Variants in DENND5A observed in about 807,000 individuals in gnomAD.
DENND5A encodes the protein DENN domain-containing protein 5A.
In DENND5A, 64 loss-of-function variants were observed where a neutral mutation model predicts 140.3. That is an observed-to-expected ratio of 0.46 (90% CI 0.37 to 0.56). The LOEUF is 0.56. DENND5A is among the 20% of genes least tolerant of loss of function. The pLI, the probability that DENND5A is intolerant of heterozygous loss-of-function variation, is 0.00. For synonymous variants in DENND5A, 605 were observed against 607.7 expected, an observed-to-expected ratio of 1.00 and a Z score of 0.07; for missense variants, 1,292 against 1,593.8, an observed-to-expected ratio of 0.81 and a Z score of 3.22.
At chr11:9,252,611 A>G (rs1470821930) in intron 1 of DENND5A, among the ~76,000 whole-genome samples, 1 of 152,020 alleles carries the variant, frequency 6.6e-6, no homozygotes, top group Non-Finnish European at 1.5e-5. Context: ...GCACCATTAT[A>G]TTCCAGCCTG....
At chr11:9,160,599 G>T in intron 12 of DENND5A, 114 bp downstream of exon 12, 2 of 799,502 alleles carry the variant, frequency 2.5e-6, no homozygotes, top group Non-Finnish European at 3.9e-6. Context: ...TCACTCCAGG[G>T]CACTGTGCAC....
chr11:9,213,435 C>A (rs1476282571), intron 1 of DENND5A, among the ~76,000 whole-genome samples: 1 of 150,324 alleles, frequency 6.7e-6, no homozygotes, highest in South Asian at 2.1e-4. Flanking sequence ...AAAAAAAAAA[C>A]ACCTTTTTTT....
intron 21 of DENND5A, 96 bp from the exon 22 acceptor site, chr11:9,142,204 C>A: frequency 1.0e-6 from 1 of 981,560 alleles, no homozygotes; most frequent in Non-Finnish European, 1.5e-6. Flanking sequence ...CAAGTCCACA[C>A]AGGTAACTTA....
At chr11:9,263,272 C>G (rs1852287851) in intron 1 of DENND5A, among the ~76,000 whole-genome samples, 1 of 151,498 alleles carries the variant, frequency 6.6e-6, no homozygotes, top group Non-Finnish European at 1.5e-5. Flanking sequence ...GCGCAATCAC[C>G]CAGACTGGCG....
At chr11:9,175,139 T>C (rs187920526) in intron 8 of DENND5A, 25 of 152,264 alleles carry the variant, frequency 1.6e-4, no homozygotes, top group Non-Finnish European at 3.2e-4. Context: ...CAGGACACAA[T>C]ATAAACATAC....
At chr11:9,224,589 G>A (rs185225591) in intron 1 of DENND5A, among the ~76,000 whole-genome samples, 4 of 152,166 alleles carry the variant, frequency 2.6e-5, no homozygotes, top group South Asian at 4.2e-4. Context: ...TGCCCAGTGC[G>A]GTGGCTCACA....
At chr11:9,263,928 C>G (rs1316245525) in intron 1 of DENND5A, among the ~76,000 whole-genome samples, 1 of 150,902 alleles carries the variant, frequency 6.6e-6, no homozygotes, top group Admixed American at 6.6e-5. Flanking sequence ...ATCGTTGAAG[C>G]CGAGTAAGAT....
intron 6 of DENND5A, among the ~76,000 whole-genome samples, chr11:9,180,157 T>C (rs1848679950): frequency 6.6e-6 from 1 of 152,014 alleles, no homozygotes; most frequent in Non-Finnish European, 1.5e-5. Flanking sequence ...GGGCAATGGA[T>C]CTAAAAGAGA....
chr11:9,239,921 T>C (rs1254761055), intron 1 of DENND5A, among the ~76,000 whole-genome samples: 2 of 152,228 alleles, frequency 1.3e-5, no homozygotes, highest in Non-Finnish European at 2.9e-5. Flanking sequence ...GTCCCTCGGG[T>C]ATTTTTCCAC....
At chr11:9,247,727 G>GT (rs369983141) in intron 1 of DENND5A, among the ~76,000 whole-genome samples, 14 of 152,218 alleles carry the variant, frequency 9.2e-5, no homozygotes, top group African/African-American at 3.4e-4. Flanking sequence ...GTAACCAAGA[G>GT]TATAGATGGT....
Position 9,139,584 on chromosome 11 carries a change from G to A in DENND5A, c.*87C>T, listed in dbSNP as rs1436782228. The A allele has an allele frequency of 1.6e-6, 2 of 1,286,064 alleles. No individual in the cohort carries two copies. Among genetic ancestry groups the A allele is most frequent in the African/African-American group, 1.5e-5 (1 of 67,758 alleles). 79.7% of individuals were successfully genotyped at this position (1,286,064 alleles called of 1,614,324 possible). On this transcript the variant is annotated 3_prime_UTR_variant, in exon 23 of 23. Transcript: ENST00000328194. ...AGTGTACATTTTGTCTCCTACTCCT[G>A]CACAATCGCTTAAGTCCCTTTGGGA...
chr11:9,227,795 A>T (rs1033507465), intron 1 of DENND5A, among the ~76,000 whole-genome samples: 4 of 151,798 alleles, frequency 2.6e-5, no homozygotes, highest in Non-Finnish European at 4.4e-5. Context: ...TCTCTACAAA[A>T]ATAAAAAATT....
At chr11:9,152,260 C>T in intron 13 of DENND5A, 98 bp downstream of exon 13, 3 of 922,598 alleles carry the variant, frequency 3.3e-6, no homozygotes, top group Non-Finnish European at 3.6e-6. Flanking sequence ...AGAGCAAAAG[C>T]TTCTTCGACC....
chr11:9,177,639 G>C (rs1489223258), intron 8 of DENND5A, among the ~76,000 whole-genome samples: 1 of 151,418 alleles, frequency 6.6e-6, no homozygotes, highest in African/African-American at 2.4e-5. Flanking sequence ...CTGGGTGACA[G>C]AGAGAGACCC....
At chr11:9,232,026 G>GA (rs201206390) in intron 1 of DENND5A, among the ~76,000 whole-genome samples, 1 of 146,930 alleles carries the variant, frequency 6.8e-6, no homozygotes, top group Non-Finnish European at 1.5e-5. Context: ...AAACGGCCAA[G>GA]AAAAAAAAAT....
chr11:9,214,032 G>A (rs1477828136), intron 1 of DENND5A, among the ~76,000 whole-genome samples: 1 of 152,002 alleles, frequency 6.6e-6, no homozygotes, highest in Non-Finnish European at 1.5e-5. Flanking sequence ...TGGCATTCTG[G>A]GATATACTAA....
chr11:9,229,522 G>GATAATAGAAAA (rs1288791622), intron 1 of DENND5A, among the ~76,000 whole-genome samples: 13 of 151,990 alleles, frequency 8.6e-5, no homozygotes, highest in African/African-American at 3.1e-4. Context: ...CTTTCCCCAA[G>GATAATAGAAAA]GCGGGTCACA....
In DENND5A at chr11:9,203,934, T is replaced by C. The variant is rs964003655; in HGVS notation, c.675A>G (p.Gln225=). Residue 225 remains glutamine, a synonymous_variant, in exon 4 of 23, where the codon CAA becomes CAG. Transcript: ENST00000328194. ...GAGGTGAAGTGACTGCCTGGTGGAG[T>C]TGCTCCAGCACGCTCCGACATGCCT... ...FMKACRSVLE[Q]LHQAVTSPQP... 5.6e-6 allele frequency: 9 copies of C among 1,613,526 alleles called. No individual in the cohort carries two copies. The highest frequency in any genetic ancestry group is 5.3e-5 in the African/African-American group (4 of 74,834).
chr11:9,197,276 AC>A (rs1472283249), intron 4 of DENND5A, among the ~76,000 whole-genome samples: 2 of 148,340 alleles, frequency 1.3e-5, no homozygotes, highest in Non-Finnish European at 3.0e-5. Context: ...CTGCACTCCA[AC>A]CTGGGCAACA....
Sources: gnomAD v4.1 joint callset for allele counts (sites outside exome capture counted in the v4.1 genomes callset) on GRCh38, gnomAD v4.1.1 for gene constraint, MANE v1.5 for transcripts, NCBI Gene and HGNC (gene_info 2026-07-23, HGNC 2026-07-21) for gene names.